Variants in NCOR1 observed in about 807,000 individuals in gnomAD.
NCOR1 encodes nuclear receptor corepressor 1.
Under a neutral mutation model 288.1 loss-of-function variants are expected in NCOR1, and 63 were observed. The observed-to-expected ratio is 0.22, with a 90% confidence interval of 0.18 to 0.27. The LOEUF (loss-of-function observed/expected upper bound fraction) is 0.27. Ranked by LOEUF, NCOR1 falls within the 10% of genes least tolerant of loss-of-function variation. NCOR1 has a pLI of 1.00. For synonymous variants in NCOR1, 1,007 were observed against 1,065.9 expected (o/e 0.94, Z 1.08); for missense variants, 2,397 against 3,019.2 (o/e 0.79, Z 4.83).
intron 2 of NCOR1, among the ~76,000 whole-genome samples, chr17:16,187,573 C>T (rs1359239726): frequency 1.3e-5 from 2 of 150,150 alleles, no homozygotes; most frequent in African/African-American, 4.9e-5. Flanking sequence ...CACAAAAGGC[C>T]ACATATTATG....
At chr17:16,055,442 C>G (rs189347910) in intron 40 of NCOR1, among the ~76,000 whole-genome samples, 8 of 152,194 alleles carry the variant, frequency 5.3e-5, no homozygotes, top group Non-Finnish European at 1.0e-4. Flanking sequence ...CCAAATACCA[C>G]GTGTTCTCAC....
chr17:16,080,372 A>T (rs760411252), intron 25 of NCOR1, 36 bp downstream of exon 25: 31 of 1,533,550 alleles, frequency 2.0e-5, no homozygotes, highest in Non-Finnish European at 2.7e-5. Flanking sequence ...TATTGGGGAC[A>T]AAAGTTTAAC....
chr17:16,060,395 C>A (rs1259380327), intron 37 of NCOR1, among the ~76,000 whole-genome samples: 4 of 152,232 alleles, frequency 2.6e-5, no homozygotes, highest in African/African-American at 9.6e-5. Flanking sequence ...CAGGTGGGAT[C>A]TCCCAGTGTG....
At chr17:16,077,273 TG>T (rs1007863780) in intron 26 of NCOR1, among the ~76,000 whole-genome samples, 4 of 132,466 alleles carry the variant, frequency 3.0e-5, no homozygotes, top group African/African-American at 1.0e-4. Flanking sequence ...TGCGCACACC[TG>T]TAATTCCAGC....
intron 3 of NCOR1, among the ~76,000 whole-genome samples, chr17:16,175,988 G>A (rs1381019178): frequency 2.0e-5 from 3 of 152,038 alleles, no homozygotes; most frequent in Non-Finnish European, 4.4e-5. Context: ...AGGTCAAGGT[G>A]GGTGGATCAC....
chr17:16,048,789 T>G, intron 41 of NCOR1, 56 bp downstream of exon 41: 1 of 1,463,402 alleles, frequency 6.8e-7, no homozygotes. Flanking sequence ...GAAGGAAATG[T>G]TAAAGCATGA....
intron 20 of NCOR1, among the ~76,000 whole-genome samples, chr17:16,100,448 C>G (rs1329025934): frequency 6.6e-6 from 1 of 152,128 alleles, no homozygotes; most frequent in African/African-American, 2.4e-5. Flanking sequence ...TGAGACCAGC[C>G]TGGCCAACAC....
chr17:16,122,307 G>C (rs186721022), intron 15 of NCOR1, among the ~76,000 whole-genome samples: 64 of 152,304 alleles, frequency 4.2e-4, no homozygotes, highest in African/African-American at 1.5e-3. Context: ...GGAAGATGCT[G>C]ATTTTTTTCA....
rs372614425 is a variant in NCOR1 at position 16,145,292 on chromosome 17, C to T, written c.1082+1084G>A. 7.2e-4 allele frequency among the ~76,000 whole-genome samples: 109 copies of T among 152,288 alleles called. 1 individual carries two copies. The Middle Eastern group carries it at 0.01, about 14-fold the overall frequency. On this transcript the variant is annotated intron_variant, in intron 10 of 45. Transcript: ENST00000268712. ...CGCCTGCCTTGGCCTCCCAAAGTGC[C>T]GAGATTGCAGCCTCTGCCCGGCCAC...
rs1276291276 is a variant in NCOR1, at chr17:16,071,438, G to A, written c.4123C>T (p.Arg1375Trp). 4 of 1,613,766 alleles carry A rather than the reference G, an allele frequency of 2.5e-6. No individual in the cohort carries two copies. The highest frequency in any genetic ancestry group is 3.3e-5 in the Admixed American group (2 of 60,008). The change falls in exon 30 of 46, where the codon CGG (arginine) becomes TGG (tryptophan). Residue 1375 changes from arginine to tryptophan, a missense_variant. Physicochemically the swap from Arg to Trp is moderately radical, Grantham distance 101. This residue lies in a region of NCOR1 where 1,872 missense variants were observed against 2,187.8 expected (regional missense o/e 0.86). Coordinates refer to ENST00000268712, the MANE Select transcript of NCOR1 (RefSeq NM_006311.4). The stretch of plus-strand genomic sequence containing the variant: ...GAAATGGAACCCTCAATTATCGGCC[G>A]TGTGCTCTGGACCACTTCTGGAGTT... ...RKTPEVVQST[R>W]PIIEGSISQG...
At chr17:16,168,732 A>T (rs1278829376) in intron 4 of NCOR1, among the ~76,000 whole-genome samples, 1 of 152,054 alleles carries the variant, frequency 6.6e-6, no homozygotes, top group Non-Finnish European at 1.5e-5. Flanking sequence ...GCATATTGGG[A>T]GGCCAAAGCG....
chr17:16,036,255 T>G (rs1448722560), intron 44 of NCOR1, among the ~76,000 whole-genome samples: 1 of 152,206 alleles, frequency 6.6e-6, no homozygotes, highest in African/African-American at 2.4e-5. Context: ...GTATTGAAAA[T>G]TATTTTTTCT....
chr17:16,159,916 G>A (rs924501123), intron 5 of NCOR1, among the ~76,000 whole-genome samples: 10 of 150,440 alleles, frequency 6.6e-5, no homozygotes, highest in African/African-American at 1.5e-4. Flanking sequence ...TGCAACCTCC[G>A]CTTCCAGGGT....
At chr17:16,168,361 C>T (rs148331577) in intron 4 of NCOR1, among the ~76,000 whole-genome samples, 1 of 151,990 alleles carries the variant, frequency 6.6e-6, no homozygotes, top group Non-Finnish European at 1.5e-5. Flanking sequence ...CCACCACGTC[C>T]AGATAATTTT....
chr17:16,171,159 T>C (rs960563638), intron 4 of NCOR1, among the ~76,000 whole-genome samples: 1 of 152,118 alleles, frequency 6.6e-6, no homozygotes, highest in Non-Finnish European at 1.5e-5. Flanking sequence ...AATGTATACA[T>C]ACATCAAAAT....
rs1451798447 is a variant in NCOR1 at position 16,070,358 on chromosome 17, T to C, written c.4320A>G (p.Ala1440=). ...TGTGCCGGGAACGCACGGTCTCGCC[T>C]GCTTTCACATCCTCATATTTTCCCC... ...VERGKYEDVK[A]GETVRSRHTS... The change falls in exon 31 of 46, where the codon GCA becomes GCG. Residue 1440 remains alanine (A), a synonymous_variant. Coordinates refer to ENST00000268712, the MANE Select transcript of NCOR1 (RefSeq NM_006311.4). 3 of 1,614,186 alleles carry C rather than the reference T, an allele frequency of 1.9e-6. No individual in the cohort carries two copies. The highest frequency in any genetic ancestry group is 2.5e-6 in the Non-Finnish European group (3 of 1,180,028).
At chr17:16,163,929 T>C (rs1421216808) in intron 5 of NCOR1, among the ~76,000 whole-genome samples, 1 of 152,198 alleles carries the variant, frequency 6.6e-6, no homozygotes, top group African/African-American at 2.4e-5. Context: ...TTTTCTGATA[T>C]TTGGCACATG....
intron 37 of NCOR1, 27 bp downstream of exon 37, chr17:16,061,374 T>A: frequency 6.2e-7 from 1 of 1,600,336 alleles, no homozygotes; most frequent in Non-Finnish European, 8.5e-7. Flanking sequence ...AGACATCACA[T>A]TGTGAAACTC....
At chr17:16,196,837 A>AAAAGAAAAG (rs1316601820) in intron 1 of NCOR1, among the ~76,000 whole-genome samples, 12 of 150,268 alleles carry the variant, frequency 8.0e-5, no homozygotes, top group African/African-American at 2.9e-4. Flanking sequence ...AAAAAAAAAA[A>AAAAGAAAAG]AAAGAAAAGA....
Sources: gnomAD v4.1 joint callset for allele counts (sites outside exome capture counted in the v4.1 genomes callset) on GRCh38, gnomAD v4.1.1 for gene constraint, gnomAD v4.1.1 regional missense constraint, MANE v1.5 for transcripts, NCBI Gene and HGNC (gene_info 2026-07-23, HGNC 2026-07-21) for gene names.